MYT1L: variants seen among roughly 807,000 people sequenced by gnomAD.
MYT1L encodes the protein myelin transcription factor 1-like protein.
In MYT1L, 12 loss-of-function variants were observed where a neutral mutation model predicts 126.7. The ratio of observed to expected loss-of-function variants is 0.09; its 90% confidence interval spans 0.06 to 0.15. The LOEUF (loss-of-function observed/expected upper bound fraction) is 0.15, where lower values mean the gene tolerates loss of function less well. MYT1L is among the 10% of genes least tolerant of loss of function. MYT1L has a pLI of 1.00. For missense variants in MYT1L, 979 were observed against 1,585.2 expected (o/e 0.62, Z 6.49); for synonymous variants, 541 against 604.2 (o/e 0.90, Z 1.53).
rs1235991502 is a variant in MYT1L, at chr2:1,887,306, C to T, written c.2642+182G>A. Reference sequence around the variant, plus strand: ...ATGACGCCCCCATCCGACAGAGCGTCACTGGGAACAGGCAAGTGCACGGTT... The same window carrying T: ...ATGACGCCCCCATCCGACAGAGCGTTACTGGGAACAGGCAAGTGCACGGTT... On this transcript the variant is annotated intron_variant, in intron 17 of 24. Transcript: ENST00000647738. The surrounding 1 kb of genome is among the most constrained non-coding windows in gnomAD (Gnocchi z 4.8). 6.6e-6 allele frequency among the ~76,000 whole-genome samples: 1 copy of T among 152,212 alleles called. No individual in the cohort carries two copies. Among genetic ancestry groups the T allele is most frequent in the Admixed American group, 6.5e-5 (1 of 15,282 alleles).
intron 2 of MYT1L, among the ~76,000 whole-genome samples, chr2:2,199,045 A>G (rs964456272): frequency 9.2e-5 from 14 of 152,208 alleles, no homozygotes; most frequent in African/African-American, 3.4e-4. Flanking sequence ...TCAATTTCAG[A>G]GACAGGACTA....
At chr2:1,873,631 G>C (rs2148726204) in intron 18 of MYT1L, among the ~76,000 whole-genome samples, 2 of 152,314 alleles carry the variant, frequency 1.3e-5, no homozygotes, top group East Asian at 3.9e-4. Flanking sequence ...GCAGGCATCA[G>C]GCACCATTCT....
rs954314489 is a variant in MYT1L, at chr2:2,168,319, G to A, written c.-304+4553C>T. Among the ~76,000 whole-genome samples the A allele has an allele frequency of 8.5e-5, 13 of 152,312 alleles. No individual in the cohort carries two copies. In the South Asian group the frequency reaches 2.5e-3, roughly 29 times the overall value. Reference sequence around the variant, plus strand: ...GAGTACTACGTGTGCATGCTAGGAAGCCAAGTGACAAGTCATAGCCGAACA... The same window carrying A: ...GAGTACTACGTGTGCATGCTAGGAAACCAAGTGACAAGTCATAGCCGAACA... On this transcript the variant is annotated intron_variant, in intron 3 of 24. Transcript: ENST00000647738.
chr2:1,948,763 CG>C (rs2057470487), intron 8 of MYT1L, among the ~76,000 whole-genome samples: 1 of 152,092 alleles, frequency 6.6e-6, no homozygotes, highest in African/African-American at 2.4e-5. Context: ...TCCATGGCTC[CG>C]CAGCTGGCTA....
chr2:1,834,723 G>A (rs1485829219), intron 21 of MYT1L, among the ~76,000 whole-genome samples: 1 of 152,228 alleles, frequency 6.6e-6, no homozygotes, highest in Admixed American at 6.5e-5. Flanking sequence ...TTTCAATGGA[G>A]ACGGAAGAAT....
chr2:1,957,480 G>T (rs998227701), intron 8 of MYT1L, among the ~76,000 whole-genome samples: 2 of 151,390 alleles, frequency 1.3e-5, no homozygotes, highest in Non-Finnish European at 2.9e-5. Flanking sequence ...TTACGCCTTT[G>T]CGTCTTCATA....
At chr2:1,813,982 G>C (rs1429703825) in intron 21 of MYT1L, among the ~76,000 whole-genome samples, 13 of 136,096 alleles carry the variant, frequency 9.6e-5, no homozygotes, top group South Asian at 2.7e-4. Flanking sequence ...AGCCGAGATC[G>C]CGCCACTGCA....
intron 2 of MYT1L, among the ~76,000 whole-genome samples, chr2:2,257,114 G>T (rs73913289): frequency 0.016 from 2,455 of 152,252 alleles, 64 homozygotes; most frequent in African/African-American, 0.056. Context: ...GAACGTCCTT[G>T]TCTAAGAAGC....
At chr2:2,244,447 A>T (rs1483534512) in intron 2 of MYT1L, among the ~76,000 whole-genome samples, 1 of 152,246 alleles carries the variant, frequency 6.6e-6, no homozygotes, top group Non-Finnish European at 1.5e-5. Context: ...CAATTATCTT[A>T]GTTTAGTCTC....
intron 4 of MYT1L, among the ~76,000 whole-genome samples, chr2:2,018,951 CAGAT>C (rs2064737856): frequency 6.6e-6 from 1 of 152,146 alleles, no homozygotes; most frequent in Non-Finnish European, 1.5e-5. Flanking sequence ...TGTGAGTTGA[CAGAT>C]GGAGAGGATG....
chr2:2,282,933 G>T (rs2149412300), intron 2 of MYT1L, among the ~76,000 whole-genome samples: 1 of 152,292 alleles, frequency 6.6e-6, no homozygotes, highest in Non-Finnish European at 1.5e-5. Flanking sequence ...AAATTAGCCA[G>T]GTGTGGTGGC....
intron 1 of MYT1L, among the ~76,000 whole-genome samples, chr2:2,296,091 T>C (rs1195907866): frequency 6.6e-6 from 1 of 152,136 alleles, no homozygotes; most frequent in Non-Finnish European, 1.5e-5. Flanking sequence ...TATAGACAAT[T>C]TTATTCTATT....
intron 3 of MYT1L, among the ~76,000 whole-genome samples, chr2:2,079,258 T>C (rs1266732205): frequency 1.3e-5 from 2 of 152,074 alleles, no homozygotes; most frequent in African/African-American, 4.8e-5. Context: ...ATTGACATAA[T>C]GAATAAAACA....
intron 2 of MYT1L, among the ~76,000 whole-genome samples, chr2:2,189,580 A>G (rs2092441568): frequency 6.6e-6 from 1 of 152,240 alleles, no homozygotes; most frequent in Non-Finnish European, 1.5e-5. Context: ...ACTGGGTTTT[A>G]AAAATATTTT....
chr2:2,021,755 G>C (rs568920173), intron 4 of MYT1L, among the ~76,000 whole-genome samples: 1 of 152,170 alleles, frequency 6.6e-6, no homozygotes, highest in Non-Finnish European at 1.5e-5. Flanking sequence ...AAATTAGCCA[G>C]GCGTGGTGGT....
rs1003283770 is a variant in MYT1L at position 1,965,284 on chromosome 2, G to A, written c.152+13881C>T. 3.3e-5 allele frequency among the ~76,000 whole-genome samples: 5 copies of A among 149,476 alleles called. No homozygotes were observed. The South Asian group carries it at 1.1e-3, about 32-fold the overall frequency. On this transcript the variant is annotated intron_variant, in intron 8 of 24. Transcript: ENST00000647738. The stretch of plus-strand genomic sequence containing the variant: ...GGGAAGAGGGGGACCCAGACTCTGT[G>A]ACTTGCAAGGATCAGGCAGGGAAGA...
chr2:2,128,857 G>A (rs1181445626), intron 3 of MYT1L, among the ~76,000 whole-genome samples: 1 of 152,070 alleles, frequency 6.6e-6, no homozygotes, highest in Non-Finnish European at 1.5e-5. Flanking sequence ...CATTATTTAG[G>A]AGGCTCCAGT....
Position 1,839,104 on chromosome 2 carries a change from C to G in MYT1L, c.3080+45G>C, listed in dbSNP as rs116593111. 623 of 1,531,386 alleles carry G rather than the reference C, an allele frequency of 4.1e-4. 4 individuals are homozygous for G. The African/African-American group carries it at 7.6e-3, about 19-fold the overall frequency. 94.9% of individuals were successfully genotyped at this position (1,531,386 alleles called of 1,614,324 possible). On this transcript the variant is annotated intron_variant, in intron 21 of 24. Coordinates refer to ENST00000647738, the MANE Select transcript of MYT1L (RefSeq NM_001303052.2). ...ATAACCAGCCGTGCCAGTCGGCTCT[C>G]GGCGGCACCATCCCAGCCAGGGTCC... is the stretch of plus-strand genomic sequence containing the variant.
Position 1,808,512 on chromosome 2 carries a change from GGGCTTAAGT to G in MYT1L, c.3172+555_3172+563del, listed in dbSNP as rs1165417862. ...GAGGGTGGACTGTGGATGTTTCTAA[GGGCTTAAGT>G]GGCTCTCCTCTCTCCTGCTCCTCCA... On this transcript the variant is annotated intron_variant, in intron 22 of 24. Coordinates refer to ENST00000647738, the MANE Select transcript of MYT1L (RefSeq NM_001303052.2). 2.6e-5 allele frequency among the ~76,000 whole-genome samples: 4 copies of G among 152,324 alleles called. No homozygotes were observed. In the East Asian group the frequency reaches 7.7e-4, roughly 29 times the overall value.
Sources: allele counts gnomAD v4.1 joint callset (sites outside exome capture counted in the v4.1 genomes callset), GRCh38; gene constraint gnomAD v4.1.1; non-coding constraint Gnocchi (gnomAD v3.1); transcripts MANE v1.5; gene names NCBI Gene and HGNC (gene_info 2026-07-23, HGNC 2026-07-21).